Variants in SEMA3D observed in about 807,000 individuals in gnomAD.
The protein encoded by SEMA3D is semaphorin-3D.
Under a neutral mutation model 100.1 loss-of-function variants are expected in SEMA3D, and 84 were observed. The observed-to-expected ratio is 0.84, with a 90% CI of 0.70 to 1.01. The LOEUF (loss-of-function observed/expected upper bound fraction) is 1.01. Ranked by LOEUF, SEMA3D falls within the 50% of genes least tolerant of loss-of-function variation. SEMA3D has a pLI of 0.00. For synonymous variants in SEMA3D, 312 were observed against 320.7 expected, an observed-to-expected ratio of 0.97 and a Z score of 0.29; for missense variants, 875 against 934.1, an observed-to-expected ratio of 0.94 and a Z score of 0.82.
intron 4 of SEMA3D, among the ~76,000 whole-genome samples, chr7:85,092,049 T>C (rs890432324): frequency 6.6e-6 from 1 of 151,980 alleles, no homozygotes; most frequent in Non-Finnish European, 1.5e-5. Flanking sequence ...TCAAACATAT[T>C]TTTCCCCATT....
chr7:85,006,616 T>A (rs1789802452), intron 18 of SEMA3D, among the ~76,000 whole-genome samples, 186 bp downstream of exon 18: 1 of 151,984 alleles, frequency 6.6e-6, no homozygotes, highest in Non-Finnish European at 1.5e-5. Flanking sequence ...ATTTTACGAA[T>A]ACATTTGTGT....
At chr7:85,147,220 A>G (rs1213664892) in intron 2 of SEMA3D, among the ~76,000 whole-genome samples, 6 of 143,074 alleles carry the variant, frequency 4.2e-5, no homozygotes, top group African/African-American at 1.6e-4. Context: ...CTCTTGTCTC[A>G]GCCTCCTGAG....
intron 12 of SEMA3D, among the ~76,000 whole-genome samples, chr7:85,034,122 G>GTATAATGGA (rs1216530039): frequency 6.6e-6 from 1 of 151,928 alleles, no homozygotes; most frequent in Non-Finnish European, 1.5e-5. Context: ...TTCCTCATCT[G>GTATAATGGA]TATAATGGAA....
At chr7:85,002,570 G>A (rs1789682978) in intron 18 of SEMA3D, among the ~76,000 whole-genome samples, 1 of 152,122 alleles carries the variant, frequency 6.6e-6, no homozygotes, top group Admixed American at 6.6e-5. Context: ...TCTCAACAGT[G>A]AAATGTCAGC....
intron 4 of SEMA3D, among the ~76,000 whole-genome samples, chr7:85,094,469 G>A (rs763580934): frequency 6.6e-6 from 1 of 151,938 alleles, no homozygotes; most frequent in Non-Finnish European, 1.5e-5. Context: ...TGTCAGCTGA[G>A]GCTTTTGCTG....
chr7:85,058,410 T>C (rs1377191323), intron 8 of SEMA3D, among the ~76,000 whole-genome samples: 1 of 152,124 alleles, frequency 6.6e-6, no homozygotes, highest in Admixed American at 6.6e-5. Flanking sequence ...CTCTTTTTTT[T>C]TAATCGCAAA....
the SEMA3D span, among the ~76,000 whole-genome samples, chr7:85,210,013 G>A: frequency 6.6e-6 from 1 of 152,016 alleles, no homozygotes; most frequent in Non-Finnish European, 1.5e-5. Flanking sequence ...CTCTAGGTTT[G>A]GAATGTATTG....
intron 15 of SEMA3D, among the ~76,000 whole-genome samples, chr7:85,017,098 A>G (rs529661315): frequency 2.0e-5 from 3 of 151,788 alleles, no homozygotes; most frequent in Admixed American, 6.6e-5. Flanking sequence ...ACAATAAGCT[A>G]TAGTCTCTCA....
At chr7:85,207,692 G>T in the SEMA3D span, among the ~76,000 whole-genome samples, 2 of 152,066 alleles carry the variant, frequency 1.3e-5, no homozygotes, top group East Asian at 3.9e-4. Flanking sequence ...TTGTGAAGCA[G>T]CAGGTATTTG....
intron 3 of SEMA3D, among the ~76,000 whole-genome samples, chr7:85,110,492 A>C (rs1012880507): frequency 6.6e-6 from 1 of 151,974 alleles, no homozygotes; most frequent in African/African-American, 2.4e-5. Flanking sequence ...GTATCATATC[A>C]TACTTAAACA....
intron 1 of SEMA3D, among the ~76,000 whole-genome samples, chr7:85,183,483 C>T (rs1791455617): frequency 6.6e-6 from 1 of 152,156 alleles, no homozygotes. Flanking sequence ...GATATGCTTC[C>T]TCTGCCTTTC....
At chr7:85,183,254 T>C (rs2732755) in intron 1 of SEMA3D, among the ~76,000 whole-genome samples, 27,871 of 152,224 alleles carry the variant, frequency 0.18, 2,758 homozygotes, top group Non-Finnish European at 0.23. Flanking sequence ...CTCTGGTTTA[T>C]GATAACCCTT....
chr7:85,097,185 G>C (rs1788585486), intron 4 of SEMA3D, among the ~76,000 whole-genome samples: 1 of 151,758 alleles, frequency 6.6e-6, no homozygotes, highest in South Asian at 2.1e-4. Flanking sequence ...TGAAAATGTA[G>C]GACATAGTAG....
intron 14 of SEMA3D, among the ~76,000 whole-genome samples, chr7:85,019,527 C>T (rs1790196232): frequency 6.6e-6 from 1 of 151,666 alleles, no homozygotes; most frequent in Non-Finnish European, 1.5e-5. Context: ...TACATGGAAA[C>T]AATCCATTTT....
upstream of SEMA3D, among the ~76,000 whole-genome samples, chr7:85,191,129 T>C (rs2116603775): frequency 6.6e-6 from 1 of 152,202 alleles, no homozygotes; most frequent in East Asian, 1.9e-4. Flanking sequence ...TGCTTCAAAA[T>C]AAAAATAAAA....
intron 4 of SEMA3D, among the ~76,000 whole-genome samples, chr7:85,083,958 C>G (rs1788142287): frequency 1.3e-5 from 2 of 150,914 alleles, no homozygotes; most frequent in Non-Finnish European, 2.9e-5. Flanking sequence ...CGATCCTGGC[C>G]AACACAGTGA....
the SEMA3D span, among the ~76,000 whole-genome samples, chr7:85,220,092 C>T: frequency 6.6e-6 from 1 of 151,996 alleles, no homozygotes; most frequent in Non-Finnish European, 1.5e-5. Context: ...ATAAAAAAAT[C>T]AGTACTTTAA....
Position 84,998,641 on chromosome 7 carries a change from A to G in SEMA3D, c.*799T>C, listed in dbSNP as rs954127170. 3 of 152,156 alleles carry G rather than the reference A, an allele frequency of 2.0e-5. No homozygotes were observed. The highest frequency in any genetic ancestry group is 1.3e-4 in the Admixed American group (2 of 15,264). 9.4% of individuals were successfully genotyped at this position (152,156 alleles called of 1,614,324 possible). A position where few individuals can be genotyped will look rare whatever the true frequency, so the allele number is the denominator to read the frequency against. ...TCTGCATGCCTTCCCATCAGGATGC[A>G]TTATACATCATTATGTTTTCCTTGT... On this transcript the variant is annotated 3_prime_UTR_variant, in exon 19 of 19. Coordinates refer to ENST00000284136, the MANE Select transcript of SEMA3D (RefSeq NM_001384900.1).
upstream of SEMA3D, among the ~76,000 whole-genome samples, chr7:85,187,954 G>A (rs1457125410): frequency 2.0e-5 from 3 of 152,106 alleles, no homozygotes; most frequent in Non-Finnish European, 4.4e-5. Context: ...CTTGCCCTTA[G>A]TCCCAAACAT....
Sources: gnomAD v4.1 joint callset for allele counts (sites outside exome capture counted in the v4.1 genomes callset) on GRCh38, gnomAD v4.1.1 for gene constraint, MANE v1.5 for transcripts, NCBI Gene and HGNC (gene_info 2026-07-23, HGNC 2026-07-21) for gene names.